NLGN4X: variants seen among roughly 807,000 people sequenced by gnomAD.
NLGN4X encodes the protein neuroligin-4, X-linked.
A neutral mutation model predicts 40.3 loss-of-function variants in NLGN4X; 3 were observed. That is an observed-to-expected ratio of 0.07 (90% CI 0.03 to 0.19). The LOEUF is 0.19. Among genes scored for constraint, NLGN4X ranks in the 10% least tolerant of loss-of-function variants. The pLI, the probability that NLGN4X is intolerant of heterozygous loss-of-function variation, is 1.00. For missense variants in NLGN4X, 382 were observed against 708.3 expected (o/e 0.54, Z 5.23); for synonymous variants, 270 against 306.8 (o/e 0.88, Z 1.25).
intron 2 of NLGN4X, among the ~76,000 whole-genome samples, chrX:6,147,501 G>A (rs207478090): frequency 8.9e-6 from 1 of 112,004 alleles, no homozygotes; most frequent in Non-Finnish European, 1.9e-5. Flanking sequence ...ATCACGAACT[G>A]TACTGCCATC....
At chrX:6,057,717 T>C (rs2037667514) in intron 2 of NLGN4X, among the ~76,000 whole-genome samples, 2 of 111,977 alleles carry the variant, frequency 1.8e-5, no homozygotes, top group African/African-American at 6.5e-5. Context: ...AAGTTCTTGT[T>C]TGAATAAGAT....
intron 5 of NLGN4X, among the ~76,000 whole-genome samples, chrX:5,896,328 A>G (rs2146697503): frequency 8.9e-6 from 1 of 112,418 alleles, no homozygotes; most frequent in Admixed American, 9.4e-5. Context: ...ATGCACAGCC[A>G]GAATTCTTAA....
chrX:6,162,659 C>T (rs756357266), intron 1 of NLGN4X, among the ~76,000 whole-genome samples: 2 of 110,948 alleles, frequency 1.8e-5, no homozygotes, highest in Non-Finnish European at 3.8e-5. Context: ...GATAAACTCC[C>T]CTTTATATAT....
At chrX:6,169,409 G>A (rs2040560627) in intron 1 of NLGN4X, among the ~76,000 whole-genome samples, 1 of 113,173 alleles carries the variant, frequency 8.8e-6, no homozygotes, top group South Asian at 3.6e-4. Flanking sequence ...GATAGAGAAA[G>A]CATTCACTTC....
At chrX:5,966,996 T>C (rs376715392) in intron 3 of NLGN4X, among the ~76,000 whole-genome samples, 8 of 112,031 alleles carry the variant, frequency 7.1e-5, no homozygotes, top group Middle Eastern at 4.6e-3. Flanking sequence ...TCAATGTACA[T>C]TTTTCACCAT....
At chrX:6,130,518 T>C (rs1269119366) in intron 2 of NLGN4X, among the ~76,000 whole-genome samples, 4 of 112,666 alleles carry the variant, frequency 3.6e-5, no homozygotes, top group Non-Finnish European at 7.5e-5. Context: ...GCACTCACAA[T>C]AAATCATAGA....
intron 3 of NLGN4X, among the ~76,000 whole-genome samples, chrX:6,004,239 A>G (rs935208344): frequency 1.8e-5 from 2 of 112,621 alleles, no homozygotes; most frequent in African/African-American, 6.4e-5. Context: ...GAGATTTAAA[A>G]TATTTAAATG....
At chrX:6,120,422 A>C (rs890456820) in intron 2 of NLGN4X, among the ~76,000 whole-genome samples, 5 of 111,897 alleles carry the variant, frequency 4.5e-5, no homozygotes, top group African/African-American at 1.6e-4. Flanking sequence ...TTGGTAGCTC[A>C]GGCAGCTCAT....
chrX:6,131,781 G>A (rs1184643804), intron 2 of NLGN4X, among the ~76,000 whole-genome samples: 2 of 111,892 alleles, frequency 1.8e-5, no homozygotes, highest in Non-Finnish European at 3.8e-5. Flanking sequence ...TTGCAATTTG[G>A]TGCCAATCTG....
intron 2 of NLGN4X, among the ~76,000 whole-genome samples, chrX:6,125,545 C>A (rs2039524370): frequency 9.3e-6 from 1 of 107,615 alleles, no homozygotes; most frequent in Admixed American, 9.9e-5. Flanking sequence ...ATAAAAAATA[C>A]AAAATACTAT....
In NLGN4X at chrX:6,047,338, C is replaced by G. The variant is rs997189496; in HGVS notation, c.473-17906G>C. 2.7e-5 allele frequency among the ~76,000 whole-genome samples: 3 copies of G among 111,147 alleles called. No individual in the cohort carries two copies. The South Asian group carries it at 1.1e-3, about 42-fold the overall frequency. On this transcript the variant is annotated intron_variant, in intron 2 of 5. Coordinates refer to ENST00000381095, the MANE Select transcript of NLGN4X (RefSeq NM_181332.3). ...ACTAACAACACAAAAATTAGCTGGT[C>G]GTGGGGTGTGCACCTGCAGTCCCAG... is the stretch of plus-strand genomic sequence containing the variant.
chrX:6,203,986 G>GT (rs1269892486), intron 1 of NLGN4X, among the ~76,000 whole-genome samples: 4 of 112,091 alleles, frequency 3.6e-5, no homozygotes, highest in Non-Finnish European at 7.5e-5. Context: ...TGTAGTATAG[G>GT]TACTTTCATT....
At chrX:6,100,548 C>T (rs1463916965) in intron 2 of NLGN4X, among the ~76,000 whole-genome samples, 2 of 111,944 alleles carry the variant, frequency 1.8e-5, no homozygotes, top group African/African-American at 3.2e-5. Flanking sequence ...AGGTAGAGTC[C>T]AGTGGGAGCT....
chrX:5,925,877 CACACATATAT>C (rs2033267132), intron 3 of NLGN4X, among the ~76,000 whole-genome samples: 1 of 11,119 alleles, frequency 9.0e-5, no homozygotes, highest in African/African-American at 6.4e-4. Context: ...TATATACATA[CACACATATAT>C]ATATATATAT....
In NLGN4X at chrX:6,151,724, T is replaced by A. The variant is rs1224124660; in HGVS notation, c.-258A>T. 2 of 405,423 alleles carry A rather than the reference T, an allele frequency of 4.9e-6. No individual in the cohort carries two copies. The highest frequency in any genetic ancestry group is 5.0e-5 in the African/African-American group (2 of 39,611). 33.4% of individuals were successfully genotyped at this position (405,423 alleles called of 1,213,427 possible). A position where few individuals can be genotyped will look rare whatever the true frequency, so the allele number is the denominator to read the frequency against. On this transcript the variant is annotated 5_prime_UTR_variant, in exon 2 of 6. Coordinates refer to ENST00000381095, the MANE Select transcript of NLGN4X (RefSeq NM_181332.3). ...CTGCAATGCTCCAAGGAAGCTGTGA[T>A]CATCCAACACCTCCAGGGACAATTT...
At chrX:5,997,930 A>C (rs1356635383) in intron 3 of NLGN4X, among the ~76,000 whole-genome samples, 1 of 111,245 alleles carries the variant, frequency 9.0e-6, no homozygotes, top group Admixed American at 9.7e-5. Context: ...AGTCATGTGG[A>C]AATTGAAATT....
At chrX:5,989,781 C>A (rs1467163954) in intron 3 of NLGN4X, among the ~76,000 whole-genome samples, 1 of 111,278 alleles carries the variant, frequency 9.0e-6, no homozygotes, top group Non-Finnish European at 1.9e-5. Context: ...TTTCCAAGAC[C>A]CCCATTGGAT....
intron 3 of NLGN4X, among the ~76,000 whole-genome samples, chrX:5,973,097 T>C (rs758095400): frequency 8.9e-6 from 1 of 112,460 alleles, no homozygotes; most frequent in South Asian, 3.7e-4. Context: ...AATACCTAAG[T>C]AGATTTTTAA....
At chrX:5,954,366 G>T (rs921491039) in intron 3 of NLGN4X, among the ~76,000 whole-genome samples, 3 of 104,403 alleles carry the variant, frequency 2.9e-5, no homozygotes, top group African/African-American at 1.0e-4. Flanking sequence ...TGGGACTACA[G>T]GCAGGCACCA....
Sources: allele counts gnomAD v4.1 joint callset (sites outside exome capture counted in the v4.1 genomes callset), GRCh38; gene constraint gnomAD v4.1.1; transcripts MANE v1.5; gene names NCBI Gene and HGNC (gene_info 2026-07-23, HGNC 2026-07-21).